Variants in KMT2D observed in about 807,000 individuals in gnomAD.
KMT2D encodes histone-lysine N-methyltransferase 2D.
A neutral mutation model predicts 512.7 loss-of-function variants in KMT2D; 55 were observed. That is an observed-to-expected ratio of 0.11 (90% CI 0.09 to 0.13). KMT2D has a LOEUF of 0.13. Ranked by LOEUF, KMT2D falls within the 10% of genes least tolerant of loss-of-function variation. KMT2D has a pLI of 1.00. For synonymous variants in KMT2D, 2,995 were observed against 2,904.0 expected, an observed-to-expected ratio of 1.03 and a Z score of -1.01; for missense variants, 6,061 against 7,127.9, an observed-to-expected ratio of 0.85 and a Z score of 5.39.
chr12:49,037,091 T>C (rs1361929480), intron 35 of KMT2D, 34 bp downstream of exon 35: 1 of 1,535,002 alleles, frequency 6.5e-7, no homozygotes, highest in Admixed American at 2.0e-5. Context: ...ATAATCACCC[T>C]GAGTAACTTG....
rs2120403829 is a variant in KMT2D, at chr12:49,030,445, G to A, written c.13840-6C>T. On this transcript the variant is annotated splice_region_variant and splice_polypyrimidine_tract_variant and intron_variant, in intron 42 of 54. Transcript: ENST00000301067. ...GGCGGGTTACTCAGGTTATTCTGAG[G>A]GGTGGGGGGTGGGGTGTTGTGTGCA... is the stretch of plus-strand genomic sequence containing the variant. 1.6e-6 allele frequency: 1 copy of A among 632,548 alleles called. No individual in the cohort carries two copies. Among genetic ancestry groups the A allele is most frequent in the Non-Finnish European group, 2.4e-6 (1 of 416,034 alleles). 39.2% of individuals were successfully genotyped at this position (632,548 alleles called of 1,614,324 possible).
rs1592157932 is a variant in KMT2D at position 49,052,354 on chromosome 12, T to G, written c.1329A>C (p.Pro443=). ...PLNEEMPLLP[P]PEESPLSPPP... ...GTGGGGACAGGGGTGACTCCTCAGG[T>G]GGGGGCAGCAGTGGCATCTCCTCGT... The change falls in exon 11 of 55, where the codon CCA becomes CCC. Residue 443 remains proline (P), a synonymous_variant. Transcript: ENST00000301067. 1 of 1,551,920 alleles carries G rather than the reference T, an allele frequency of 6.4e-7. No individual in the cohort carries two copies. Among genetic ancestry groups the G allele is most frequent in the Non-Finnish European group, 8.7e-7 (1 of 1,147,792 alleles).
At position 49,041,271 on chromosome 12, in the gene KMT2D, C is replaced by G. The variant is rs756774638; in HGVS notation, c.6499G>C (p.Val2167Leu). Residue 2167 changes from valine to leucine, a missense_variant, in exon 32 of 55, where the codon GTG becomes CTG. Val to Leu is a conservative substitution (Grantham distance 32). This residue lies in a region of KMT2D where 710 missense variants were observed against 647.3 expected (regional missense o/e 1.10). Coordinates refer to ENST00000301067, the MANE Select transcript of KMT2D (RefSeq NM_003482.4). The surrounding 1 kb of genome is among the most constrained non-coding windows in gnomAD (Gnocchi z 5.4). The part of the protein sequence containing the change: ...GELFLKLPPQ[V>L]PAQVPSQDPF... Reference sequence around the variant, plus strand: ...TCCTGCGAAGGCACTTGGGCGGGCACCTGGGGTGGGAGCTTGAGGAAGAGC... The same window carrying G: ...TCCTGCGAAGGCACTTGGGCGGGCAGCTGGGGTGGGAGCTTGAGGAAGAGC... 6.6e-7 allele frequency: 1 copy of G among 1,519,544 alleles called. No homozygotes were observed. Among genetic ancestry groups the G allele is most frequent in the East Asian group, 2.3e-5 (1 of 43,784 alleles). 94.1% of individuals were successfully genotyped at this position (1,519,544 alleles called of 1,614,324 possible).
At chr12:49,021,972 T>G in intron 54 of KMT2D, 71 bp downstream of exon 54, 1 of 1,556,076 alleles carries the variant, frequency 6.4e-7, no homozygotes, top group Non-Finnish European at 8.9e-7. Flanking sequence ...AATCCACATT[T>G]AGGGAATGGC....
chr12:49,029,595 C>T, intron 43 of KMT2D, 119 bp from the exon 44 acceptor site: 2 of 704,486 alleles, frequency 2.8e-6, no homozygotes, highest in South Asian at 1.9e-5. Context: ...TAGCTGTCCT[C>T]CCACCTACCA....
In KMT2D at chr12:49,038,743, T is replaced by C. The variant is rs1943344310; in HGVS notation, c.8613A>G (p.Pro2871=). ...GCTCAATGAACTGGGCAGGACCAGC[T>C]GGACCAGGCACTGGCTCACCAGGGC... ...LPGPGEPVPG[P]AGPAQFIELR... is the part of the protein sequence containing the mutation. Residue 2871 remains proline (P), a synonymous_variant, in exon 35 of 55, where the codon CCA becomes CCG. Coordinates refer to ENST00000301067, the MANE Select transcript of KMT2D (RefSeq NM_003482.4). This position sits in a 1 kb window ranked among gnomAD's most constrained non-coding sequence, Gnocchi z 5.7. 1 of 1,607,448 alleles carries C rather than the reference T, an allele frequency of 6.2e-7. No individual in the cohort carries two copies. The highest frequency in any genetic ancestry group is 8.5e-7 in the Non-Finnish European group (1 of 1,177,226).
In KMT2D at chr12:49,042,246, G is replaced by A; in HGVS notation, c.5952C>T (p.Pro1984=). ...CCTCACCCTCCGTGGTGGGGGTTGT[G>A]GGGGTGGAGGGCGTGGTGCCACCTG... The part of the protein sequence containing the change: ...TGSGGTTPST[P]TTPTTEGEGD... The change falls in exon 29 of 55, where the codon CCC becomes CCT. Residue 1984 remains proline (P), a synonymous_variant. Transcript: ENST00000301067. The surrounding 1 kb of genome is among the most constrained non-coding windows in gnomAD (Gnocchi z 4.4). The A allele has an allele frequency of 1.9e-6, 3 of 1,587,176 alleles. No individual in the cohort carries two copies. Among genetic ancestry groups the A allele is most frequent in the Non-Finnish European group, 2.6e-6 (3 of 1,167,100 alleles).
Position 49,033,104 on chromosome 12 carries a change from T to TTGCTGTTGG in KMT2D, c.11592_11600dup (p.His3864_Gln3866dup). 1.3e-6 allele frequency: 2 copies of TTGCTGTTGG among 1,551,522 alleles called. No homozygotes were observed. Among genetic ancestry groups the TTGCTGTTGG allele is most frequent in the African/African-American group, 1.4e-5 (1 of 73,126 alleles). On this transcript the variant is annotated inframe_insertion, in exon 40 of 55. Transcript: ENST00000301067. ...GATGGGACAGCCCTGCCATGGACCC[T>TTGCTGTTGG]TGCTGTTGGTGCTGTTGTTGCTGCT...
In KMT2D at chr12:49,041,426, C is replaced by A. The variant is rs2120546806; in HGVS notation, c.6344G>T (p.Ser2115Ile). ...GGTGGGGGCAGCAGCGGGGGGCGGGCTGCCCAGTGCCCCTGGCTGCGGGGG... is the reference window on the plus strand; with the variant it reads ...GGTGGGGGCAGCAGCGGGGGGCGGGATGCCCAGTGCCCCTGGCTGCGGGGG... ...RIPPQPGALG[S>I]PPPAAAPTIF... is the part of the protein sequence containing the mutation. Residue 2115 changes from serine (S) to isoleucine (I), a missense_variant, in exon 32 of 55, where the codon AGC becomes ATC. Ser to Ile is a moderately radical substitution (Grantham distance 142). This residue lies in a region of KMT2D where 710 missense variants were observed against 647.3 expected (regional missense o/e 1.10). Coordinates refer to ENST00000301067, the MANE Select transcript of KMT2D (RefSeq NM_003482.4). The surrounding 1 kb of genome is among the most constrained non-coding windows in gnomAD (Gnocchi z 5.4). 1.2e-6 allele frequency: 2 copies of A among 1,610,636 alleles called. No homozygotes were observed. Among genetic ancestry groups the A allele is most frequent in the Non-Finnish European group, 8.5e-7 (1 of 1,177,578 alleles).
Position 49,021,572 on chromosome 12 carries a change from C to A in KMT2D, c.*208G>T. On this transcript the variant is annotated 3_prime_UTR_variant, in exon 55 of 55. Coordinates refer to ENST00000301067, the MANE Select transcript of KMT2D (RefSeq NM_003482.4). Reference sequence around the variant, plus strand: ...GGGGCAGAGATGCCAGCCTGAGGGCCGGTGGTGGGGAAGAGGATTGTCCCT... The same window carrying A: ...GGGGCAGAGATGCCAGCCTGAGGGCAGGTGGTGGGGAAGAGGATTGTCCCT... The A allele has an allele frequency of 1.8e-6, 1 of 558,210 alleles. No individual in the cohort carries two copies. Among genetic ancestry groups the A allele is most frequent in the Non-Finnish European group, 3.2e-6 (1 of 314,544 alleles). 34.6% of individuals were successfully genotyped at this position (558,210 alleles called of 1,614,324 possible).
At position 49,031,636 on chromosome 12, in the gene KMT2D, T is replaced by G; in HGVS notation, c.13069A>C (p.Arg4357=). 1 of 1,603,940 alleles carries G rather than the reference T, an allele frequency of 6.2e-7. No individual in the cohort carries two copies. Among genetic ancestry groups the G allele is most frequent in the Non-Finnish European group, 8.5e-7 (1 of 1,175,464 alleles). The stretch of plus-strand genomic sequence containing the variant: ...AGCTGGGCAGCAGCAGGTGAGACCC[T>G]CCCAGGAGGCGGCTCCAAGGTTGGC... ...QGPTLEPPPG[R]VSPAAAQLAD... The change falls in exon 40 of 55, where the codon AGG becomes CGG. Residue 4357 remains arginine, a synonymous_variant. Transcript: ENST00000301067.
Position 49,051,517 on chromosome 12 carries a change from C to T in KMT2D, c.2166G>A (p.Glu722=), listed in dbSNP as rs2120671219. The change falls in exon 11 of 55, where the codon GAG becomes GAA. Residue 722 remains glutamate (E), a synonymous_variant. Transcript: ENST00000301067. ...EDSLMSLPLE[E]SPLLPLPEEP... ...CCTCAGGTAGTGGCAACAGGGGTGACTCCTCCAGCGGCAGGGACATGAGCG... is the reference window on the plus strand; with the variant it reads ...CCTCAGGTAGTGGCAACAGGGGTGATTCCTCCAGCGGCAGGGACATGAGCG... The T allele has an allele frequency of 6.2e-7, 1 of 1,613,622 alleles. No individual in the cohort carries two copies. The highest frequency in any genetic ancestry group is 8.5e-7 in the Non-Finnish European group (1 of 1,179,702).
chr12:49,049,770 C>T lies in KMT2D; in HGVS notation c.3818G>A (p.Cys1273Tyr), dbSNP rs775250887. 1.1e-5 allele frequency: 18 copies of T among 1,613,444 alleles called. No homozygotes were observed. The highest frequency in any genetic ancestry group is 2.2e-5 in the South Asian group (2 of 91,086). The change falls in exon 12 of 55, where the codon TGC (cysteine) becomes TAC (tyrosine). Residue 1273 changes from cysteine to tyrosine, a missense_variant. Cys to Tyr is a radical substitution (Grantham distance 194). Coordinates refer to ENST00000301067, the MANE Select transcript of KMT2D (RefSeq NM_003482.4). The part of the protein sequence containing the change: ...SLPETDDSLL[C>Y]DAGTAISGGK... ...TCCGCTGATAGCTGTCCCAGCATCG[C>T]ACAATAGTGAGTCATCAGTCTCTGG...
rs587783727 is a variant in KMT2D, at chr12:49,039,611, G to A, written c.8053C>T (p.Arg2685Ter). ...TGCCGAATCAGCAGCTCTCGTAGTCGCTGGCGCTATGCAAAAAAAAGAGAA... is the reference window on the plus strand; with the variant it reads ...TGCCGAATCAGCAGCTCTCGTAGTCACTGGCGCTATGCAAAAAAAAGAGAA... ...TELEKQRQRQ[R>*]LRELLIRQQI... Residue 2685 changes from arginine (R) to a stop codon, truncating the protein, a stop_gained, in exon 33 of 55, where the codon CGA becomes TGA. Transcript: ENST00000301067. LOFTEE classifies it high-confidence loss of function. This position sits in a 1 kb window ranked among gnomAD's most constrained non-coding sequence, Gnocchi z 5.0. 1 of 1,607,668 alleles carries A rather than the reference G, an allele frequency of 6.2e-7. No homozygotes were observed. Among genetic ancestry groups the A allele is most frequent in the Non-Finnish European group, 8.5e-7 (1 of 1,178,956 alleles).
rs1943365663 is a variant in KMT2D, at chr12:49,039,153, C to CA, written c.8366+68dup. 6.3e-7 allele frequency: 1 copy of CA among 1,589,726 alleles called. No homozygotes were observed. Among genetic ancestry groups the CA allele is most frequent in the South Asian group, 1.1e-5 (1 of 89,110 alleles). On this transcript the variant is annotated intron_variant, in intron 34 of 54. Transcript: ENST00000301067. This position sits in a 1 kb window ranked among gnomAD's most constrained non-coding sequence, Gnocchi z 5.0. ...AAGGATTAGTGATACAGGAAAATCA[C>CA]AAGAGCTTCCAACAGTGATAAAATC...
rs2120646070 is a variant in KMT2D at position 49,050,128 on chromosome 12, G to A, written c.3460C>T (p.Leu1154Phe). 1.2e-6 allele frequency: 2 copies of A among 1,613,468 alleles called. No individual in the cohort carries two copies. The highest frequency in any genetic ancestry group is 1.7e-6 in the Non-Finnish European group (2 of 1,179,724). ...LASELKGSPV[L>F]LDPEELAPVT... ...GGGGCCAGCTCCTCGGGGTCCAGGAGCACAGGGGAGCCTTTAAGTTCACTA... is the reference window on the plus strand; with the variant it reads ...GGGGCCAGCTCCTCGGGGTCCAGGAACACAGGGGAGCCTTTAAGTTCACTA... The change falls in exon 12 of 55, where the codon CTC becomes TTC. Residue 1154 changes from leucine to phenylalanine, a missense_variant. Coordinates refer to ENST00000301067, the MANE Select transcript of KMT2D (RefSeq NM_003482.4).
chr12:49,018,988 GTTC>G lies in KMT2D; in HGVS notation c.*2789_*2791del, dbSNP rs1942151938. On this transcript the variant is annotated 3_prime_UTR_variant, in exon 55 of 55. Transcript: ENST00000301067. ...GGACGGAGCCGCTTGTATTTAAAAT[GTTC>G]TTTTTTTATTTGTCGTTTAAAAACA... is the stretch of plus-strand genomic sequence containing the variant. 5 of 1,402,896 alleles carry G rather than the reference GTTC, an allele frequency of 3.6e-6. No individual in the cohort carries two copies. Among genetic ancestry groups the G allele is most frequent in the Non-Finnish European group, 3.7e-6 (4 of 1,082,090 alleles). The allele number at this position is 1,402,896 out of a possible 1,614,324, so 86.9% of individuals were successfully genotyped here.
rs768668663 is a variant in KMT2D, at chr12:49,032,748, G to C, written c.11957C>G (p.Ser3986Cys). 27 of 1,589,892 alleles carry C rather than the reference G, an allele frequency of 1.7e-5. 2 individuals are homozygous for C. The South Asian group carries it at 3.1e-4, about 18-fold the overall frequency. The stretch of plus-strand genomic sequence containing the variant: ...TTGCTGCTGCTGTTGTTGCTGAGGA[G>C]ACAGTAAAGTTCGACTCTGGTTTAA... ...GLLNQSRTLLSPQQQQQQQVA... is the reference protein window; with the variant it reads ...GLLNQSRTLLCPQQQQQQQVA... The change falls in exon 40 of 55, where the codon TCT becomes TGT. Residue 3986 changes from serine to cysteine, a missense_variant. This residue lies in a region of KMT2D where 1,600 missense variants were observed against 1,754.9 expected (regional missense o/e 0.91). Transcript: ENST00000301067.
Position 49,020,736 on chromosome 12 carries a change from AC to A in KMT2D, c.*1043del, listed in dbSNP as rs886049464. ...GCCACTCAGGGATAGCCCTCACCCT[AC>A]CCCCCACCCAACCCGTCCAGGGGCT... On this transcript the variant is annotated 3_prime_UTR_variant, in exon 55 of 55. Transcript: ENST00000301067. 24 of 209,442 alleles carry A rather than the reference AC, an allele frequency of 1.1e-4. No individual in the cohort carries two copies. Among genetic ancestry groups the A allele is most frequent in the Middle Eastern group, 1.5e-3 (1 of 656 alleles). The allele number at this position is 209,442 out of a possible 1,614,324, so 13.0% of individuals were successfully genotyped here.
Sources: allele counts gnomAD v4.1 joint callset, GRCh38; gene constraint gnomAD v4.1.1; regional missense constraint gnomAD v4.1.1; non-coding constraint Gnocchi (gnomAD v3.1); transcripts MANE v1.5; gene names NCBI Gene and HGNC (gene_info 2026-07-23, HGNC 2026-07-21).